Variants in TCF12 observed in about 807,000 individuals in gnomAD.
TCF12 encodes DNA-binding protein HTF4.
A neutral mutation model predicts 86.0 loss-of-function variants in TCF12; 45 were observed. That is an observed-to-expected ratio of 0.52 (90% CI 0.41 to 0.67). The LOEUF is 0.67. TCF12 is among the 30% of genes least tolerant of loss of function. The pLI is 0.00. For missense variants in TCF12, 881 were observed against 859.9 expected (o/e 1.02, Z -0.31); for synonymous variants, 330 against 299.6 (o/e 1.10, Z -1.05).
intron 3 of TCF12, among the ~76,000 whole-genome samples, chr15:57,010,980 C>G (rs1031991215): frequency 1.3e-5 from 2 of 152,194 alleles, no homozygotes; most frequent in Non-Finnish European, 1.5e-5. Context: ...TTCCCAGGTC[C>G]TTTTTAAGGT....
intron 5 of TCF12, among the ~76,000 whole-genome samples, chr15:57,105,408 G>A (rs2050072546): frequency 6.6e-6 from 1 of 151,996 alleles, no homozygotes; most frequent in Non-Finnish European, 1.5e-5. Flanking sequence ...AGTTCTTTTT[G>A]TGGTGGTGGT....
At chr15:57,122,929 C>T (rs1338801060) in intron 5 of TCF12, among the ~76,000 whole-genome samples, 3 of 152,026 alleles carry the variant, frequency 2.0e-5, no homozygotes, top group African/African-American at 7.3e-5. Context: ...CAGAGCAGAC[C>T]AACTAAAAAA....
chr15:57,112,371 G>C (rs1233465408), intron 5 of TCF12, among the ~76,000 whole-genome samples: 1 of 152,204 alleles, frequency 6.6e-6, no homozygotes, highest in Non-Finnish European at 1.5e-5. Flanking sequence ...CCTGAAGGTA[G>C]ATGACTACTT....
chr15:57,117,720 T>C (rs2050941033), intron 5 of TCF12, among the ~76,000 whole-genome samples: 1 of 152,218 alleles, frequency 6.6e-6, no homozygotes, highest in Admixed American at 6.5e-5. Flanking sequence ...TTAAAATTTG[T>C]AATAACATTT....
At chr15:57,151,346 A>G (rs1846751397) in intron 5 of TCF12, among the ~76,000 whole-genome samples, 1 of 130,126 alleles carries the variant, frequency 7.7e-6, no homozygotes, top group South Asian at 2.9e-4. Flanking sequence ...ACTGGATGAT[A>G]TTAACTGCAG....
At chr15:57,023,123 G>C (rs1292988128) in intron 3 of TCF12, among the ~76,000 whole-genome samples, 1 of 152,074 alleles carries the variant, frequency 6.6e-6, no homozygotes, top group African/African-American at 2.4e-5. Flanking sequence ...TTTAGCTGGG[G>C]TTATAAGAAA....
chr15:56,963,908 T>C lies in TCF12; in HGVS notation c.148+42810T>C, dbSNP rs1315431742. ...ATGAGATTGCTATGGCAACAAAGGT[T>C]CTTTGAAGGCAAAAATTTTGGCAGA... On this transcript the variant is annotated intron_variant, in intron 3 of 20. Coordinates refer to ENST00000333725, the MANE Select transcript of TCF12 (RefSeq NM_207037.2). 2.0e-5 allele frequency among the ~76,000 whole-genome samples: 3 copies of C among 152,214 alleles called. 1 individual carries two copies. The East Asian group carries it at 5.8e-4, about 29-fold the overall frequency.
Position 57,262,113 on chromosome 15 carries a change from ACT to A in TCF12, c.1490_1491del (p.Ser497CysfsTer12). ...CTTTAGGTTGGAACTCATCGGGAAG[ACT>A]CTGTCAGTCTCAATGGCAATCATTC... On this transcript the variant is annotated frameshift_variant, in exon 17 of 21. Coordinates refer to ENST00000333725, the MANE Select transcript of TCF12 (RefSeq NM_207037.2). LOFTEE classifies it high-confidence loss of function. 6.2e-7 allele frequency: 1 copy of A among 1,612,842 alleles called. No homozygotes were observed. Among genetic ancestry groups the A allele is most frequent in the Non-Finnish European group, 8.5e-7 (1 of 1,179,336 alleles).
chr15:57,212,866 T>C (rs147693779), intron 8 of TCF12, among the ~76,000 whole-genome samples: 3 of 152,276 alleles, frequency 2.0e-5, no homozygotes, highest in Non-Finnish European at 4.4e-5. Context: ...GTCTCCTGAC[T>C]CCCAGTTTAG....
intron 3 of TCF12, among the ~76,000 whole-genome samples, chr15:56,928,666 A>G (rs2060119224): frequency 6.6e-6 from 1 of 152,150 alleles, no homozygotes; most frequent in African/African-American, 2.4e-5. Context: ...TATTTTGTAG[A>G]CTATACTTTG....
chr15:57,098,025 A>C (rs941830431), intron 5 of TCF12, among the ~76,000 whole-genome samples: 6 of 148,274 alleles, frequency 4.0e-5, no homozygotes, highest in African/African-American at 1.0e-4. Context: ...AAAAAAAAAA[A>C]AAAAAAAAAA....
intron 3 of TCF12, among the ~76,000 whole-genome samples, chr15:57,057,569 C>T (rs539178984): frequency 3.3e-5 from 5 of 152,228 alleles, no homozygotes; most frequent in South Asian, 2.1e-4. Flanking sequence ...ATTTTCTTTC[C>T]GCCAGCCCTA....
At chr15:56,991,936 TATG>T (rs1440639380) in intron 3 of TCF12, among the ~76,000 whole-genome samples, 5 of 152,094 alleles carry the variant, frequency 3.3e-5, no homozygotes, top group Non-Finnish European at 2.9e-5. Flanking sequence ...ACTATTGTCA[TATG>T]ATTCTTTAGA....
rs146345131 is a variant in TCF12 at position 57,088,590 on chromosome 15, G to A, written c.223-3199G>A. Among the ~76,000 whole-genome samples, 15 of 151,250 alleles carry A rather than the reference G, an allele frequency of 9.9e-5. No homozygotes were observed. The East Asian group carries it at 2.9e-3, about 29-fold the overall frequency. On this transcript the variant is annotated intron_variant, in intron 4 of 20. Transcript: ENST00000333725. Reference sequence around the variant, plus strand: ...TTTTAATATGGTTTCAGTGGGGGGTGCCTGGCTGTCACCTTTCTAGACCTT... The same window carrying A: ...TTTTAATATGGTTTCAGTGGGGGGTACCTGGCTGTCACCTTTCTAGACCTT...
At chr15:57,121,492 A>G (rs1377686570) in intron 5 of TCF12, among the ~76,000 whole-genome samples, 1 of 152,214 alleles carries the variant, frequency 6.6e-6, no homozygotes, top group Non-Finnish European at 1.5e-5. Flanking sequence ...CTTCACTATC[A>G]TAAATAGGAT....
intron 19 of TCF12, chr15:57,278,602 A>G (rs1447510587): frequency 4.7e-6 from 1 of 211,502 alleles, no homozygotes; most frequent in Non-Finnish European, 1.0e-5. Flanking sequence ...GGTCATAACA[A>G]GGTTGGAGGG....
chr15:56,982,793 A>T (rs1422275301), intron 3 of TCF12, among the ~76,000 whole-genome samples: 2 of 152,226 alleles, frequency 1.3e-5, no homozygotes, highest in African/African-American at 4.8e-5. Flanking sequence ...TGCTCATCTA[A>T]TTCAAAAAGT....
chr15:57,204,209 G>C (rs955671748), intron 8 of TCF12, among the ~76,000 whole-genome samples: 38 of 152,140 alleles, frequency 2.5e-4, no homozygotes, highest in African/African-American at 8.2e-4. Flanking sequence ...GCCAAGGTGG[G>C]AGTATCCCCT....
chr15:57,056,725 CT>C (rs2068060868), intron 3 of TCF12, among the ~76,000 whole-genome samples: 1 of 151,900 alleles, frequency 6.6e-6, no homozygotes, highest in African/African-American at 2.4e-5. Context: ...TCCCAAAGTG[CT>C]GGGATTACGG....
Sources: allele counts gnomAD v4.1 joint callset (sites outside exome capture counted in the v4.1 genomes callset), GRCh38; gene constraint gnomAD v4.1.1; transcripts MANE v1.5; gene names NCBI Gene and HGNC (gene_info 2026-07-23, HGNC 2026-07-21).